The following HERC3 variants were observed in gnomAD, a reference collection of about 807,000 sequenced individuals.
The protein encoded by HERC3 is probable E3 ubiquitin-protein ligase HERC3.
HERC3 carries 58 observed loss-of-function variants against 129.9 expected under a neutral mutation model. The ratio of observed to expected loss-of-function variants is 0.45; its 90% confidence interval spans 0.36 to 0.56. HERC3 has a LOEUF of 0.56. Ranked by LOEUF, HERC3 falls within the 20% of genes least tolerant of loss-of-function variation. The pLI is 0.00. For missense variants in HERC3, 835 were observed against 1,244.2 expected (o/e 0.67, Z 4.95); for synonymous variants, 430 against 451.0 (o/e 0.95, Z 0.59).
rs1358469818 is a variant in HERC3, at chr4:88,704,546, C to T, written c.2880C>T (p.Pro960=). The T allele has an allele frequency of 1.2e-6, 2 of 1,612,762 alleles. No homozygotes were observed. Among genetic ancestry groups the T allele is most frequent in the Admixed American group, 1.7e-5 (1 of 60,028 alleles). ...AGGGAGATTACTCGGCCACACATCC[C>T]ACTGTAAAACTATTTTGGGAAACAT... ...IYKGDYSATH[P]TVKLFWETFH... Residue 960 remains proline (P), a synonymous_variant, in exon 25 of 26, where the codon CCC becomes CCT. Transcript: ENST00000402738.
intron 19 of HERC3, among the ~76,000 whole-genome samples, chr4:88,678,523 A>G (rs923859211): frequency 5.3e-5 from 8 of 152,228 alleles, no homozygotes; most frequent in Admixed American, 2.0e-4. Context: ...ATGGAAAGGT[A>G]GTAAAATCAT....
chr4:88,527,946 C>T, the HERC3 span: 1 of 271,540 alleles, frequency 3.7e-6, no homozygotes, highest in South Asian at 4.4e-5. Context: ...ACTGCTGTGG[C>T]GTAAATGGCA....
At chr4:88,698,528 T>C (rs1200116555) in intron 23 of HERC3, among the ~76,000 whole-genome samples, 1 of 148,360 alleles carries the variant, frequency 6.7e-6, no homozygotes, top group African/African-American at 2.5e-5. Context: ...TACAGAATCT[T>C]TGGCCTGTGG....
chr4:88,625,068 A>G (rs1446580666), intron 3 of HERC3, among the ~76,000 whole-genome samples: 3 of 152,132 alleles, frequency 2.0e-5, no homozygotes, highest in Non-Finnish European at 4.4e-5. Flanking sequence ...TTTCCTTAGT[A>G]TTACACTGTG....
intron 3 of HERC3, among the ~76,000 whole-genome samples, chr4:88,642,130 CAAAAAAAAAA>C (rs200464130): frequency 5.2e-5 from 4 of 77,032 alleles, no homozygotes; most frequent in Non-Finnish European, 8.3e-5. Flanking sequence ...GACTCTGTCT[CAAAAAAAAAA>C]AAAAAAAAAA....
intron 3 of HERC3, among the ~76,000 whole-genome samples, chr4:88,628,011 G>A (rs1726319298): frequency 1.3e-5 from 2 of 151,680 alleles, no homozygotes; most frequent in South Asian, 2.1e-4. Context: ...CAAAAAGAAT[G>A]TGCATTGCAC....
the HERC3 span, among the ~76,000 whole-genome samples, chr4:88,526,208 T>C: frequency 5.9e-5 from 9 of 152,208 alleles, no homozygotes; most frequent in Non-Finnish European, 5.9e-5. Flanking sequence ...GGGACACTCT[T>C]TTTAACTGAA....
chr4:88,601,368 C>G (rs184522851), intron 2 of HERC3, among the ~76,000 whole-genome samples: 1 of 152,164 alleles, frequency 6.6e-6, no homozygotes, highest in African/African-American at 2.4e-5. Flanking sequence ...GTTGAAAGTA[C>G]GAGCTTCCTC....
the HERC3 span, chr4:88,528,093 A>T: frequency 1.1e-5 from 3 of 277,478 alleles, 1 homozygote; most frequent in South Asian, 1.2e-4. Flanking sequence ...TATATGTGCA[A>T]TCCAGGTGGT....
chr4:88,638,824 T>C (rs560587753), intron 3 of HERC3, among the ~76,000 whole-genome samples: 1 of 152,314 alleles, frequency 6.6e-6, no homozygotes, highest in Non-Finnish European at 1.5e-5. Context: ...GACGACATGA[T>C]ACTATATTTA....
intron 23 of HERC3, 128 bp from the exon 24 acceptor site, chr4:88,703,970 G>A (rs1735547977): frequency 1.2e-6 from 1 of 823,216 alleles, no homozygotes; most frequent in Non-Finnish European, 2.0e-6. Context: ...TGATGCCTTA[G>A]GATGCCTCCT....
At chr4:88,628,954 G>A (rs150363195) in intron 3 of HERC3, among the ~76,000 whole-genome samples, 1 of 152,138 alleles carries the variant, frequency 6.6e-6, no homozygotes, top group Non-Finnish European at 1.5e-5. Flanking sequence ...CGGTTGCATT[G>A]CTTGAGGCCA....
chr4:88,679,755 T>C (rs1353063350), intron 19 of HERC3, among the ~76,000 whole-genome samples: 1 of 152,152 alleles, frequency 6.6e-6, no homozygotes, highest in Non-Finnish European at 1.5e-5. Flanking sequence ...TGACCTCAGG[T>C]GATCTGCCTG....
the HERC3 span, among the ~76,000 whole-genome samples, chr4:88,580,104 T>A: frequency 6.6e-6 from 1 of 151,910 alleles, no homozygotes; most frequent in African/African-American, 2.4e-5. Context: ...AACCAATAAA[T>A]AGAGGAAGGG....
At chr4:88,591,569 G>C (rs939614035), upstream of HERC3, among the ~76,000 whole-genome samples, 4 of 152,090 alleles carry the variant, frequency 2.6e-5, no homozygotes, top group African/African-American at 9.7e-5. Context: ...GCAGTACCGT[G>C]CCAGTGTTCT....
At chr4:88,601,342 A>G (rs1722938418) in intron 2 of HERC3, among the ~76,000 whole-genome samples, 1 of 152,218 alleles carries the variant, frequency 6.6e-6, no homozygotes, top group African/African-American at 2.4e-5. Flanking sequence ...AAGTACTGTA[A>G]TTGTTGTCAA....
intron 3 of HERC3, among the ~76,000 whole-genome samples, chr4:88,606,283 G>A (rs58655995): frequency 0.057 from 8,310 of 144,940 alleles, 599 homozygotes; most frequent in East Asian, 0.27. Flanking sequence ...ATATGGTCTC[G>A]CTCCGTCGCC....
chr4:88,544,271 G>C, the HERC3 span, among the ~76,000 whole-genome samples: 2 of 152,086 alleles, frequency 1.3e-5, no homozygotes, highest in African/African-American at 2.4e-5. Context: ...AATATGAACA[G>C]ACACTTCTCA....
chr4:88,681,329 C>G lies in HERC3; in HGVS notation c.2507+4C>G. 1 of 1,608,266 alleles carries G rather than the reference C, an allele frequency of 6.2e-7. No homozygotes were observed. The highest frequency in any genetic ancestry group is 2.2e-5 in the East Asian group (1 of 44,844). On this transcript the variant is annotated splice_donor_region_variant and intron_variant, in intron 21 of 25. Transcript: ENST00000402738. ...AGTTGTCACCCACTGAAGGAAGGTA[C>G]AAAGCTAAAAGGCGATTGGTATCTG...
Sources: allele counts gnomAD v4.1 joint callset (sites outside exome capture counted in the v4.1 genomes callset), GRCh38; gene constraint gnomAD v4.1.1; transcripts MANE v1.5; gene names NCBI Gene and HGNC (gene_info 2026-07-23, HGNC 2026-07-21).